Variants in DTX1 observed in about 807,000 individuals in gnomAD.
DTX1 encodes the protein deltex E3 ubiquitin ligase 1.
A neutral mutation model predicts 57.8 loss-of-function variants in DTX1; 26 were observed. The observed-to-expected ratio is 0.45, with a 90% CI of 0.33 to 0.62. The LOEUF is 0.62. DTX1 is among the 20% of genes least tolerant of loss of function. The probability of loss-of-function intolerance (pLI) is 0.02; values close to 1 mark genes in which losing one functional copy is unlikely to be tolerated. For missense variants in DTX1, 704 were observed against 895.3 expected (o/e 0.79, Z 2.73); for synonymous variants, 398 against 394.1 (o/e 1.01, Z -0.12).
intron 2 of DTX1, among the ~76,000 whole-genome samples, chr12:113,063,307 A>G (rs2044679066): frequency 6.6e-6 from 1 of 152,148 alleles, no homozygotes; most frequent in Non-Finnish European, 1.5e-5. Flanking sequence ...CCAGAGAAGA[A>G]GCCACATCTT....
chr12:113,097,209 A>C lies in DTX1; in HGVS notation c.*270A>C. ...CAGAGACCCGCCCCCTCACACACAAACACACATGTCCTGTTGAACTCATGC... is the reference window on the plus strand; with the variant it reads ...CAGAGACCCGCCCCCTCACACACAACCACACATGTCCTGTTGAACTCATGC... On this transcript the variant is annotated 3_prime_UTR_variant, in exon 10 of 10. Coordinates refer to ENST00000548759, the MANE Select transcript of DTX1 (RefSeq NM_004416.3). The C allele has an allele frequency of 8.5e-6, 4 of 470,678 alleles. No homozygotes were observed. Among genetic ancestry groups the C allele is most frequent in the Admixed American group, 3.6e-5 (1 of 28,080 alleles). 29.2% of individuals were successfully genotyped at this position (470,678 alleles called of 1,614,324 possible).
intron 9 of DTX1, chr12:113,095,742 G>A: frequency 3.1e-6 from 1 of 327,638 alleles, no homozygotes; most frequent in Non-Finnish European, 5.7e-6. Context: ...CCACCCTACA[G>A]GTTGTCTGAT....
chr12:113,089,018 A>C (rs1156694779), intron 3 of DTX1, among the ~76,000 whole-genome samples: 1 of 152,192 alleles, frequency 6.6e-6, no homozygotes, highest in Non-Finnish European at 1.5e-5. Flanking sequence ...TTGTCTATAA[A>C]TAAATAACTA....
At chr12:113,072,224 T>C (rs1465361389) in intron 2 of DTX1, among the ~76,000 whole-genome samples, 2 of 152,242 alleles carry the variant, frequency 1.3e-5, no homozygotes, top group Non-Finnish European at 2.9e-5. Flanking sequence ...GCACCAGGCT[T>C]TGTGCCTGGT....
At chr12:113,083,025 G>A (rs1422764823) in intron 3 of DTX1, among the ~76,000 whole-genome samples, 1 of 152,222 alleles carries the variant, frequency 6.6e-6, no homozygotes, top group Non-Finnish European at 1.5e-5. Flanking sequence ...CGGTGTCACA[G>A]GGTAGTTTCC....
chr12:113,058,695 TC>T (rs757510373), intron 2 of DTX1, among the ~76,000 whole-genome samples: 1 of 152,196 alleles, frequency 6.6e-6, no homozygotes, highest in Non-Finnish European at 1.5e-5. Context: ...AGTTTCCTCA[TC>T]TGCAAAATGG....
At chr12:113,067,773 T>C (rs2044713647) in intron 2 of DTX1, among the ~76,000 whole-genome samples, 1 of 152,166 alleles carries the variant, frequency 6.6e-6, no homozygotes, top group Non-Finnish European at 1.5e-5. Context: ...GGCTCATGCC[T>C]GGAATCCCAG....
rs1187348861 is a variant in DTX1 at position 113,057,526 on chromosome 12, G to A, written c.-667G>A. On this transcript the variant is annotated 5_prime_UTR_variant, in exon 2 of 10. Transcript: ENST00000548759. ...CCCCCTCGTCCCCCAGCCCAGCTCC[G>A]GAGCCGCAGTCCAGGCGCGCCGCCC... The A allele has an allele frequency of 7.2e-6, 1 of 139,530 alleles. No homozygotes were observed. The highest frequency in any genetic ancestry group is 1.6e-5 in the Non-Finnish European group (1 of 63,710). The allele number at this position is 139,530 out of a possible 1,614,324, so 8.6% of individuals were successfully genotyped here. A position where few individuals can be genotyped will look rare whatever the true frequency, so the allele number is the denominator to read the frequency against.
intron 2 of DTX1, among the ~76,000 whole-genome samples, chr12:113,075,050 C>A (rs1232161540): frequency 6.6e-6 from 1 of 152,176 alleles, no homozygotes; most frequent in Non-Finnish European, 1.5e-5. Flanking sequence ...CCAAAGATGG[C>A]AGATTTTGGA....
At chr12:113,061,957 C>T (rs1035309293) in intron 2 of DTX1, among the ~76,000 whole-genome samples, 5 of 152,042 alleles carry the variant, frequency 3.3e-5, no homozygotes, top group African/African-American at 7.2e-5. Context: ...CCGCCCGCCT[C>T]GGCCTCCCAA....
At position 113,077,954 on chromosome 12, in the gene DTX1, G is replaced by T; in HGVS notation, c.790G>T (p.Ala264Ser). 1 of 1,013,340 alleles carries T rather than the reference G, an allele frequency of 9.9e-7. No individual in the cohort carries two copies. Among genetic ancestry groups the T allele is most frequent in the African/African-American group, 1.7e-5 (1 of 57,320 alleles). 62.8% of individuals were successfully genotyped at this position (1,013,340 alleles called of 1,614,324 possible). A position where few individuals can be genotyped will look rare whatever the true frequency, so the allele number is the denominator to read the frequency against. ...TGAALWAAPA[A>S]GPAEPAPPPG... ...CGCCGCGCTCTGGGCAGCGCCCGCCGCCGGCCCCGCCGAGCCCGCGCCGCC... is the reference window on the plus strand; with the variant it reads ...CGCCGCGCTCTGGGCAGCGCCCGCCTCCGGCCCCGCCGAGCCCGCGCCGCC... The change falls in exon 3 of 10, where the codon GCC (alanine) becomes TCC (serine). Residue 264 changes from alanine (A) to serine (S), a missense_variant. Around this residue, in one of 3 missense-constraint regions of DTX1, gnomAD observed 299 missense variants for 311.2 expected, o/e 0.96. Coordinates refer to ENST00000548759, the MANE Select transcript of DTX1 (RefSeq NM_004416.3). The surrounding 1 kb of genome is among the most constrained non-coding windows in gnomAD (Gnocchi z 7.8).
At chr12:113,074,272 G>A (rs1412661719) in intron 2 of DTX1, among the ~76,000 whole-genome samples, 1 of 152,144 alleles carries the variant, frequency 6.6e-6, no homozygotes, top group Non-Finnish European at 1.5e-5. Flanking sequence ...TGCCAGGGAG[G>A]AAAATAAAGC....
chr12:113,078,103 G>A lies in DTX1; in HGVS notation c.939G>A (p.Pro313=), dbSNP rs772831452. Residue 313 remains proline (P), a splice_region_variant and synonymous_variant, in exon 3 of 10, where the codon CCG becomes CCA. Transcript: ENST00000548759. The part of the protein sequence containing the change: ...TSVSARASIP[P]GVPALPVKNL... ...TGAGCGCGCGCGCCTCCATCCCGCC[G>A]GGGTAAGACGGGGCCCAGGGGGAGG... 1.5e-5 allele frequency: 20 copies of A among 1,370,522 alleles called. No homozygotes were observed. The highest frequency in any genetic ancestry group is 3.0e-5 in the African/African-American group (2 of 65,574). 84.9% of individuals were successfully genotyped at this position (1,370,522 alleles called of 1,614,324 possible).
intron 3 of DTX1, among the ~76,000 whole-genome samples, chr12:113,086,036 G>A (rs1434108747): frequency 6.6e-6 from 1 of 152,162 alleles, no homozygotes; most frequent in African/African-American, 2.4e-5. Flanking sequence ...GGGAGGCTAA[G>A]GTGGGAGGAT....
chr12:113,093,243 G>A lies in DTX1; in HGVS notation c.1003+20G>A, dbSNP rs765803475. On this transcript the variant is annotated intron_variant, in intron 4 of 9. Coordinates refer to ENST00000548759, the MANE Select transcript of DTX1 (RefSeq NM_004416.3). This position sits in a 1 kb window ranked among gnomAD's most constrained non-coding sequence, Gnocchi z 4.2. ...TGGCAGGTGAGGTCTGGCCCAGGGC[G>A]GGAAAGAAGGGCGGGGCCCACTAGG... 5.7e-6 allele frequency: 9 copies of A among 1,577,388 alleles called. No individual in the cohort carries two copies. Among genetic ancestry groups the A allele is most frequent in the Non-Finnish European group, 7.7e-6 (9 of 1,161,678 alleles).
intron 7 of DTX1, 47 bp downstream of exon 7, chr12:113,094,994 G>T (rs1270590242): frequency 1.2e-6 from 2 of 1,604,230 alleles, no homozygotes; most frequent in South Asian, 2.2e-5. Flanking sequence ...GGAACGGAGT[G>T]GGGTTTGGGG....
Position 113,095,325 on chromosome 12 carries a change from G to T in DTX1, c.1549G>T (p.Gly517Cys). 4.3e-6 allele frequency: 7 copies of T among 1,614,034 alleles called. No individual in the cohort carries two copies. The highest frequency in any genetic ancestry group is 5.9e-6 in the Non-Finnish European group (7 of 1,179,960). Residue 517 changes from glycine to cysteine, a missense_variant and splice_region_variant, in exon 9 of 10, where the codon GGC becomes TGC. By Grantham distance (159) the Gly-to-Cys change is radical. Coordinates refer to ENST00000548759, the MANE Select transcript of DTX1 (RefSeq NM_004416.3). Reference protein sequence around the residue: ...IVYDIPTGIQGPEHPNPGKKF... With the variant: ...IVYDIPTGIQCPEHPNPGKKF... Reference sequence around the variant, plus strand: ...ATCCCTGTACTGTCCCTCTCTGCAGGGCCCTGAGCACCCCAACCCCGGGAA... The same window carrying T: ...ATCCCTGTACTGTCCCTCTCTGCAGTGCCCTGAGCACCCCAACCCCGGGAA...
chr12:113,066,400 C>T (rs755020287), intron 2 of DTX1, among the ~76,000 whole-genome samples: 10 of 151,858 alleles, frequency 6.6e-5, no homozygotes, highest in Admixed American at 4.6e-4. Flanking sequence ...TGGTGGTGGG[C>T]GCCTGTAATC....
At position 113,078,072 on chromosome 12, in the gene DTX1, C is replaced by G. The variant is rs2044787797; in HGVS notation, c.908C>G (p.Thr303Ser). Residue 303 changes from threonine to serine, a missense_variant, in exon 3 of 10, where the codon ACC becomes AGC. By Grantham distance (58) the Thr-to-Ser change is moderately conservative. This residue lies in a region of DTX1 where 299 missense variants were observed against 311.2 expected (regional missense o/e 0.96). Transcript: ENST00000548759. ...AACCGGCCCGGGCCCCAGCGCACCA[C>G]CAGCGTGAGCGCGCGCGCCTCCATC... ...NLNRPGPQRT[T>S]SVSARASIPP... 7 of 1,398,434 alleles carry G rather than the reference C, an allele frequency of 5.0e-6. No individual in the cohort carries two copies. The South Asian group carries it at 1.0e-4, about 21-fold the overall frequency. The allele number at this position is 1,398,434 out of a possible 1,614,324, so 86.6% of individuals were successfully genotyped here. A position where few individuals can be genotyped will look rare whatever the true frequency, so the allele number is the denominator to read the frequency against.
Sources: allele counts gnomAD v4.1 joint callset (sites outside exome capture counted in the v4.1 genomes callset), GRCh38; gene constraint gnomAD v4.1.1; regional missense constraint gnomAD v4.1.1; non-coding constraint Gnocchi (gnomAD v3.1); transcripts MANE v1.5; gene names NCBI Gene and HGNC (gene_info 2026-07-23, HGNC 2026-07-21).